The following DPH6 variants were observed in gnomAD, a reference collection of about 807,000 sequenced individuals.
DPH6 encodes diphthamine biosynthesis 6.
In DPH6, 33 loss-of-function variants were observed where a neutral mutation model predicts 38.2. The observed-to-expected ratio is 0.86, with a 90% CI of 0.65 to 1.15. The LOEUF (loss-of-function observed/expected upper bound fraction) is 1.15, where lower values mean the gene tolerates loss of function less well. DPH6 is among the 50% of genes most tolerant of loss of function. The pLI, the probability that DPH6 is intolerant of heterozygous loss-of-function variation, is 0.00. For synonymous variants in DPH6, 108 were observed against 103.0 expected (o/e 1.05, Z -0.30); for missense variants, 325 against 320.0 (o/e 1.02, Z -0.12).
At chr15:35,194,236 A>T in the DPH6 span, among the ~76,000 whole-genome samples, 1 of 152,108 alleles carries the variant, frequency 6.6e-6, no homozygotes, top group Admixed American at 6.6e-5. Context: ...CCCAGAAAGG[A>T]AAGAGCCTGG....
intron 3 of DPH6, among the ~76,000 whole-genome samples, chr15:35,239,656 CTGGGGCAGGGGCAA>C (rs1353481869): frequency 7.0e-6 from 1 of 142,294 alleles, no homozygotes; most frequent in Non-Finnish European, 1.5e-5. Flanking sequence ...TCCCGCTTTC[CTGGGGCAGGGGCAA>C]GTACCCCTCA....
At chr15:35,264,813 T>C (rs1773486371) in intron 3 of DPH6, among the ~76,000 whole-genome samples, 1 of 152,230 alleles carries the variant, frequency 6.6e-6, no homozygotes, top group African/African-American at 2.4e-5. Flanking sequence ...GAATTCCCAA[T>C]GTCAATATTG....
At chr15:35,516,738 C>T (rs2054852882) in intron 3 of DPH6, among the ~76,000 whole-genome samples, 1 of 152,162 alleles carries the variant, frequency 6.6e-6, no homozygotes, top group South Asian at 2.1e-4. Context: ...TTTGGTCTCA[C>T]TCACTCACAT....
Position 35,371,940 on chromosome 15 carries a change from T to C in DPH6, c.*210A>G. ...GTGTTAACGAAAGAGAAAGAGTGAA[T>C]TCCAAGAAAGTTGGCACTATTAATG... is the stretch of plus-strand genomic sequence containing the variant. On this transcript the variant is annotated 3_prime_UTR_variant, in exon 9 of 9. Transcript: ENST00000256538. The C allele has an allele frequency of 1.6e-6, 2 of 1,253,422 alleles. No individual in the cohort carries two copies. The highest frequency in any genetic ancestry group is 2.0e-6 in the Non-Finnish European group (2 of 992,252). 77.6% of individuals were successfully genotyped at this position (1,253,422 alleles called of 1,614,324 possible).
chr15:35,408,666 G>C (rs547890738), intron 6 of DPH6, among the ~76,000 whole-genome samples: 1 of 152,076 alleles, frequency 6.6e-6, no homozygotes, highest in African/African-American at 2.4e-5. Flanking sequence ...AACTAGGAGA[G>C]TGTGGTTCCA....
chr15:35,527,657 A>T (rs916176222), intron 3 of DPH6, among the ~76,000 whole-genome samples: 2 of 152,138 alleles, frequency 1.3e-5, no homozygotes, highest in Non-Finnish European at 1.5e-5. Flanking sequence ...AAGGAGTTGG[A>T]AAGGAGAAGT....
intron 5 of DPH6, among the ~76,000 whole-genome samples, chr15:35,446,520 C>T (rs1383707211): frequency 1.3e-5 from 2 of 152,086 alleles, no homozygotes; most frequent in Non-Finnish European, 2.9e-5. Flanking sequence ...TACCTGGCCT[C>T]TCTTCCTTAT....
chr15:35,252,531 A>G (rs1223337404), intron 3 of DPH6, among the ~76,000 whole-genome samples: 1 of 152,240 alleles, frequency 6.6e-6, no homozygotes, highest in Non-Finnish European at 1.5e-5. Context: ...TTTGGTGGCC[A>G]AGCATCTTGT....
At chr15:35,381,493 T>C (rs1212104460) in intron 7 of DPH6, among the ~76,000 whole-genome samples, 2 of 152,192 alleles carry the variant, frequency 1.3e-5, no homozygotes, top group African/African-American at 4.8e-5. Flanking sequence ...AATGTAGCTG[T>C]AATGAAAGAT....
At chr15:35,453,793 A>G (rs1275495064) in intron 4 of DPH6, among the ~76,000 whole-genome samples, 1 of 30,344 alleles carries the variant, frequency 3.3e-5, no homozygotes, top group Non-Finnish European at 6.2e-5. Context: ...GAAAATAAAT[A>G]AAATAAAAAT....
At chr15:35,542,965 T>TATATATATATATAA (rs58422347) in intron 1 of DPH6, among the ~76,000 whole-genome samples, 1,081 of 76,152 alleles carry the variant, frequency 0.014, 118 homozygotes, top group East Asian at 0.028. Context: ...TATATATATA[T>TATATATATATATAA]AAAATAATTT....
intron 6 of DPH6, among the ~76,000 whole-genome samples, chr15:35,382,290 G>C (rs2052880042): frequency 6.6e-6 from 1 of 152,124 alleles, no homozygotes; most frequent in Non-Finnish European, 1.5e-5. Flanking sequence ...AAAAAAATTA[G>C]CCGGGCATGG....
At chr15:35,512,778 G>GTAT (rs1232263004) in intron 3 of DPH6, among the ~76,000 whole-genome samples, 1 of 152,056 alleles carries the variant, frequency 6.6e-6, no homozygotes, top group Admixed American at 6.6e-5. Context: ...AGAAGCAGGT[G>GTAT]TATTATTTAT....
chr15:35,352,078 TCTGA>T (rs1234053679), intron 3 of DPH6, among the ~76,000 whole-genome samples: 2 of 152,220 alleles, frequency 1.3e-5, no homozygotes, highest in Non-Finnish European at 2.9e-5. Context: ...ATACAGTTAT[TCTGA>T]CTACTTCTGT....
At chr15:35,356,463 T>C (rs990760157) in intron 3 of DPH6, among the ~76,000 whole-genome samples, 5 of 152,320 alleles carry the variant, frequency 3.3e-5, no homozygotes, top group Non-Finnish European at 5.9e-5. Context: ...GGGTTTTTGG[T>C]GTGGATGTCC....
At chr15:35,537,934 G>T in intron 3 of DPH6, 1 of 164,242 alleles carries the variant, frequency 6.1e-6, no homozygotes, top group East Asian at 1.7e-4. Flanking sequence ...AGCACTATAT[G>T]CCAGGCATAT....
At chr15:35,482,864 T>C (rs979880929) in intron 3 of DPH6, among the ~76,000 whole-genome samples, 6 of 152,038 alleles carry the variant, frequency 3.9e-5, no homozygotes, top group African/African-American at 1.2e-4. Context: ...ATTTTGTGCT[T>C]TAAAAAACAT....
intron 5 of DPH6, among the ~76,000 whole-genome samples, chr15:35,434,140 C>T (rs1457254835): frequency 6.6e-6 from 1 of 152,132 alleles, no homozygotes; most frequent in African/African-American, 2.4e-5. Context: ...AAAAATACAG[C>T]AGGCCAGTTT....
At chr15:35,354,454 C>T (rs1410973294) in intron 3 of DPH6, among the ~76,000 whole-genome samples, 1 of 152,148 alleles carries the variant, frequency 6.6e-6, no homozygotes, top group Non-Finnish European at 1.5e-5. Context: ...AGATATGTCC[C>T]ATCAATATGA....
Sources: gnomAD v4.1 joint callset for allele counts (sites outside exome capture counted in the v4.1 genomes callset) on GRCh38, gnomAD v4.1.1 for gene constraint, MANE v1.5 for transcripts, NCBI Gene and HGNC (gene_info 2026-07-23, HGNC 2026-07-21) for gene names.